FRMPD4: variants seen among roughly 807,000 people sequenced by gnomAD.
FRMPD4 encodes the protein FERM and PDZ domain-containing protein 4.
A neutral mutation model predicts 94.1 loss-of-function variants in FRMPD4; 22 were observed. The observed-to-expected ratio is 0.23, with a 90% confidence interval of 0.17 to 0.33. FRMPD4 has a LOEUF of 0.33. Ranked by LOEUF, FRMPD4 falls within the 10% of genes least tolerant of loss-of-function variation. FRMPD4 has a pLI of 1.00. For missense variants in FRMPD4, 1,111 were observed against 1,339.9 expected (o/e 0.83, Z 2.67); for synonymous variants, 631 against 548.6 (o/e 1.15, Z -2.10).
chrX:11,889,902 G>C (rs2053865077), intron 3 of FRMPD4, among the ~76,000 whole-genome samples: 1 of 112,061 alleles, frequency 8.9e-6, no homozygotes, highest in African/African-American at 3.2e-5. Flanking sequence ...TGCCAAGAAG[G>C]CAAAAAATAA....
chrX:12,221,170 A>G (rs1169278530), intron 1 of FRMPD4, among the ~76,000 whole-genome samples: 1 of 112,326 alleles, frequency 8.9e-6, no homozygotes, highest in Non-Finnish European at 1.9e-5. Context: ...AAGTTTACTT[A>G]TTAAACACTT....
At position 12,599,939 on chromosome X, in the gene FRMPD4, G is replaced by A. The variant is rs751472057; in HGVS notation, c.159-9782G>A. On this transcript the variant is annotated intron_variant, in intron 2 of 16. Transcript: ENST00000675598. ...ATATGTTAAGAGGTGTTGAAATGAAGGTAAAATATACATTTTAATCACTCA... is the reference window on the plus strand; with the variant it reads ...ATATGTTAAGAGGTGTTGAAATGAAAGTAAAATATACATTTTAATCACTCA... 1.6e-3 allele frequency among the ~76,000 whole-genome samples: 175 copies of A among 110,976 alleles called. 1 individual carries two copies. Among genetic ancestry groups the A allele is most frequent in the African/African-American group, 5.6e-3 (170 of 30,529 alleles).
chrX:12,642,906 A>C (rs1292169871), intron 4 of FRMPD4, among the ~76,000 whole-genome samples: 7 of 111,695 alleles, frequency 6.3e-5, no homozygotes, highest in Non-Finnish European at 1.3e-4. Flanking sequence ...CTGTCTCAAA[A>C]AAAGGAAAAA....
At chrX:12,539,719 C>T (rs578234336) in intron 2 of FRMPD4, among the ~76,000 whole-genome samples, 120 of 110,393 alleles carry the variant, frequency 1.1e-3, no homozygotes, top group Admixed American at 2.2e-3. Context: ...CCGCAACCTC[C>T]GCCTCCCAGG....
At chrX:11,929,297 A>G (rs2054107394) in intron 3 of FRMPD4, among the ~76,000 whole-genome samples, 1 of 112,087 alleles carries the variant, frequency 8.9e-6, no homozygotes, top group East Asian at 2.8e-4. Flanking sequence ...CATACAAACT[A>G]TGTCACAGGG....
chrX:11,958,524 G>C (rs1400517923), intron 3 of FRMPD4, among the ~76,000 whole-genome samples: 1 of 111,694 alleles, frequency 9.0e-6, no homozygotes, highest in Non-Finnish European at 1.9e-5. Flanking sequence ...TATCAGGCTG[G>C]CTAAAAACTG....
chrX:11,956,601 C>T lies in FRMPD4; in HGVS notation c.95+78583C>T, dbSNP rs769482920. 1.2e-4 allele frequency among the ~76,000 whole-genome samples: 14 copies of T among 112,201 alleles called. No individual in the cohort carries two copies. The East Asian group carries it at 3.9e-3, about 31-fold the overall frequency. Reference sequence around the variant, plus strand: ...TCTAGTGTAACCTAACACTTCATTGCTTGTGGAAATTCCCCTCTTATCAAT... The same window carrying T: ...TCTAGTGTAACCTAACACTTCATTGTTTGTGGAAATTCCCCTCTTATCAAT... On this transcript the variant is annotated intron_variant, in intron 3 of 18. Transcript: ENST00000640291.
intron 1 of FRMPD4, among the ~76,000 whole-genome samples, chrX:12,466,110 C>A: frequency 9.0e-6 from 1 of 111,496 alleles, no homozygotes; most frequent in Non-Finnish European, 1.9e-5. Context: ...AAAGAGATGA[C>A]GGCCCTAGCT....
chrX:12,095,377 C>CA (rs201645954), intron 3 of FRMPD4, among the ~76,000 whole-genome samples: 7,121 of 72,665 alleles, frequency 0.098, 321 homozygotes, highest in East Asian at 0.31. Context: ...CTCTCTGTCT[C>CA]AAAAAAAAAA....
chrX:12,603,220 T>C (rs756538064), intron 2 of FRMPD4, among the ~76,000 whole-genome samples: 1 of 112,452 alleles, frequency 8.9e-6, no homozygotes, highest in African/African-American at 3.2e-5. Context: ...GTAGCCTACC[T>C]GCCATTATCT....
At chrX:12,499,962 C>A (rs1354878765) in intron 2 of FRMPD4, among the ~76,000 whole-genome samples, 1 of 111,983 alleles carries the variant, frequency 8.9e-6, no homozygotes. Flanking sequence ...TTTTGAGGAA[C>A]CACCAAACTG....
intron 1 of FRMPD4, among the ~76,000 whole-genome samples, chrX:12,465,813 A>T (rs2057442922): frequency 8.9e-6 from 1 of 112,155 alleles, no homozygotes; most frequent in South Asian, 3.7e-4. Context: ...ATGATATTTA[A>T]TGTAAAAAAC....
At chrX:12,490,461 A>G (rs745963379) in intron 1 of FRMPD4, among the ~76,000 whole-genome samples, 5 of 112,156 alleles carry the variant, frequency 4.5e-5, no homozygotes, top group Non-Finnish European at 9.4e-5. Flanking sequence ...GGTTTTGTCT[A>G]TTCTGTTCAC....
intron 1 of FRMPD4, among the ~76,000 whole-genome samples, chrX:12,215,412 T>C (rs1480689875): frequency 1.8e-5 from 2 of 111,148 alleles, no homozygotes; most frequent in African/African-American, 6.5e-5. Flanking sequence ...TCCTGCCCCT[T>C]GTGTCCAGCT....
At chrX:11,954,684 C>T (rs901486939) in intron 3 of FRMPD4, among the ~76,000 whole-genome samples, 2 of 111,134 alleles carry the variant, frequency 1.8e-5, no homozygotes, top group African/African-American at 6.5e-5. Flanking sequence ...AATGGAAATC[C>T]TTTCTAATAT....
chrX:12,447,663 T>G (rs1326487801), intron 1 of FRMPD4, among the ~76,000 whole-genome samples: 1 of 111,965 alleles, frequency 8.9e-6, no homozygotes, highest in East Asian at 2.8e-4. Flanking sequence ...TTTTACAGCC[T>G]ACCTACGTCA....
At chrX:12,438,832 T>A (rs970876501) in intron 1 of FRMPD4, among the ~76,000 whole-genome samples, 8 of 111,504 alleles carry the variant, frequency 7.2e-5, no homozygotes, top group African/African-American at 2.3e-4. Flanking sequence ...GGAATTTTTC[T>A]AAACTGAAGG....
intron 2 of FRMPD4, among the ~76,000 whole-genome samples, chrX:12,527,046 TATC>T (rs889402862): frequency 1.8e-5 from 2 of 112,161 alleles, no homozygotes; most frequent in Non-Finnish European, 3.8e-5. Context: ...TTTCATGGGT[TATC>T]ATATAACCAA....
chrX:12,657,832 G>T (rs979098496), intron 4 of FRMPD4, among the ~76,000 whole-genome samples: 5 of 112,468 alleles, frequency 4.4e-5, no homozygotes, highest in African/African-American at 6.5e-5. Context: ...TAAACTGCAG[G>T]TTCTTAAATT....
Sources: allele counts gnomAD v4.1 joint callset (sites outside exome capture counted in the v4.1 genomes callset), GRCh38; gene constraint gnomAD v4.1.1; transcripts MANE v1.5; gene names NCBI Gene and HGNC (gene_info 2026-07-23, HGNC 2026-07-21).